COMMD1: variants seen among roughly 807,000 people sequenced by gnomAD.
The protein encoded by COMMD1 is COMM domain-containing protein 1.
Under a neutral mutation model 17.2 loss-of-function variants are expected in COMMD1, and 10 were observed. The ratio of observed to expected loss-of-function variants is 0.58; its 90% CI spans 0.36 to 0.99. The LOEUF (loss-of-function observed/expected upper bound fraction) is 0.99, where lower values mean the gene tolerates loss of function less well. Among genes scored for constraint, COMMD1 ranks in the 50% least tolerant of loss-of-function variants. The probability of loss-of-function intolerance (pLI) is 0.01; values close to 1 mark genes in which losing one functional copy is unlikely to be tolerated. For missense variants in COMMD1, 270 were observed against 231.8 expected, an observed-to-expected ratio of 1.17 and a Z score of -1.07; for synonymous variants, 97 against 91.6, an observed-to-expected ratio of 1.06 and a Z score of -0.34.
chr2:62,003,304 G>T (rs1046782919), intron 2 of COMMD1, among the ~76,000 whole-genome samples: 3 of 151,664 alleles, frequency 2.0e-5, no homozygotes, highest in Admixed American at 1.3e-4. Context: ...CACTTTGGGA[G>T]GCCAAGGCAG....
At chr2:62,108,073 T>C (rs1034809625) in intron 2 of COMMD1, among the ~76,000 whole-genome samples, 1 of 152,212 alleles carries the variant, frequency 6.6e-6, no homozygotes, top group African/African-American at 2.4e-5. Flanking sequence ...TTGCCCAGCC[T>C]GAACTGTCTT....
intron 2 of COMMD1, among the ~76,000 whole-genome samples, chr2:62,042,698 A>T (rs1292044469): frequency 6.6e-6 from 1 of 152,234 alleles, no homozygotes; most frequent in African/African-American, 2.4e-5. Context: ...GCCAGAGCGG[A>T]TGCCGAGGCT....
At chr2:61,989,902 T>C (rs1023685171) in intron 1 of COMMD1, among the ~76,000 whole-genome samples, 1 of 152,186 alleles carries the variant, frequency 6.6e-6, no homozygotes, top group East Asian at 1.9e-4. Flanking sequence ...GAGCAAGATA[T>C]AGGCCTGGCA....
chr2:62,048,914 T>A lies in COMMD1; in HGVS notation c.462+47932T>A, dbSNP rs569604715. Among the ~76,000 whole-genome samples the A allele has an allele frequency of 7.2e-5, 11 of 152,266 alleles. No individual in the cohort carries two copies. In the South Asian group the frequency reaches 2.3e-3, roughly 32 times the overall value. ...TTTTCATAAAGTATCCCTTCTTCCC[T>A]TTACTGTGCCTCCTGTTACAAGAGT... On this transcript the variant is annotated intron_variant, in intron 2 of 2. Transcript: ENST00000311832.
At chr2:61,955,975 C>T (rs1471448406) in intron 1 of COMMD1, among the ~76,000 whole-genome samples, 1 of 152,194 alleles carries the variant, frequency 6.6e-6, no homozygotes, top group African/African-American at 2.4e-5. Context: ...GCATGAGCCA[C>T]CATGCCTGGC....
At chr2:61,917,015 G>A (rs1670068360) in intron 1 of COMMD1, among the ~76,000 whole-genome samples, 2 of 152,034 alleles carry the variant, frequency 1.3e-5, no homozygotes, top group South Asian at 4.1e-4. Flanking sequence ...CTAAATACCT[G>A]GGAAATTTTT....
chr2:61,902,102 A>C (rs1013404585), upstream of COMMD1, among the ~76,000 whole-genome samples: 2 of 151,232 alleles, frequency 1.3e-5, no homozygotes, highest in Non-Finnish European at 2.9e-5. Context: ...AAGTTCTGGG[A>C]TTACAGGCGT....
chr2:61,995,551 G>A (rs1668733252), intron 1 of COMMD1, among the ~76,000 whole-genome samples: 1 of 152,180 alleles, frequency 6.6e-6, no homozygotes, highest in South Asian at 2.1e-4. Context: ...GCCAGCAACT[G>A]AAGCATTGTA....
intron 2 of COMMD1, among the ~76,000 whole-genome samples, chr2:62,087,666 G>A (rs968642690): frequency 2.5e-4 from 38 of 152,210 alleles, no homozygotes; most frequent in African/African-American, 8.7e-4. Flanking sequence ...AGAATTGCTT[G>A]AACCAGGGAG....
intron 2 of COMMD1, among the ~76,000 whole-genome samples, chr2:62,130,539 A>G (rs980068356): frequency 6.6e-6 from 1 of 152,236 alleles, no homozygotes; most frequent in African/African-American, 2.4e-5. Flanking sequence ...AAGACATTAG[A>G]GCCAACATTG....
chr2:61,953,145 G>A (rs1671101224), intron 1 of COMMD1, among the ~76,000 whole-genome samples: 1 of 151,850 alleles, frequency 6.6e-6, no homozygotes, highest in Non-Finnish European at 1.5e-5. Context: ...GAGTAGCTGG[G>A]ATTACAGGGG....
At chr2:61,912,266 A>G (rs1433900529) in intron 1 of COMMD1, among the ~76,000 whole-genome samples, 1 of 152,192 alleles carries the variant, frequency 6.6e-6, no homozygotes, top group South Asian at 2.1e-4. Flanking sequence ...TTGTAGAATA[A>G]GTGAATGAAT....
chr2:61,950,747 G>A (rs1671030429), intron 1 of COMMD1, among the ~76,000 whole-genome samples: 1 of 152,182 alleles, frequency 6.6e-6, no homozygotes, highest in Non-Finnish European at 1.5e-5. Flanking sequence ...GCTACTAAGT[G>A]ACCTTGGGCA....
At chr2:62,015,695 GTTTTTTTTTTTTTTC>G (rs1241094635) in intron 2 of COMMD1, among the ~76,000 whole-genome samples, 3 of 127,238 alleles carry the variant, frequency 2.4e-5, no homozygotes, top group Non-Finnish European at 3.4e-5. Context: ...TAGTTTCTGG[GTTTTTTTTTTTTTTC>G]TTTTTTTTTT....
chr2:61,908,828 A>T (rs916113325), intron 1 of COMMD1, among the ~76,000 whole-genome samples: 1 of 151,936 alleles, frequency 6.6e-6, no homozygotes, highest in African/African-American at 2.4e-5. Context: ...CCACCTCCCA[A>T]AGTGCTGGGA....
chr2:62,112,734 C>T (rs981296312), intron 2 of COMMD1, among the ~76,000 whole-genome samples: 1 of 152,046 alleles, frequency 6.6e-6, no homozygotes, highest in African/African-American at 2.4e-5. Context: ...TTTTTTTCCC[C>T]AAGGTCACAC....
At chr2:61,975,009 C>A (rs1292168656) in intron 1 of COMMD1, among the ~76,000 whole-genome samples, 1 of 151,622 alleles carries the variant, frequency 6.6e-6, no homozygotes, top group East Asian at 1.9e-4. Context: ...AGATTGTCAT[C>A]TAGGTGGAAT....
At chr2:62,119,641 C>T (rs1373035565) in intron 2 of COMMD1, among the ~76,000 whole-genome samples, 1 of 152,266 alleles carries the variant, frequency 6.6e-6, no homozygotes, top group South Asian at 2.1e-4. Flanking sequence ...CCTATTTCTC[C>T]CTAATGGTGC....
intron 1 of COMMD1, among the ~76,000 whole-genome samples, chr2:61,991,130 A>G (rs1672242278): frequency 6.6e-6 from 1 of 152,016 alleles, no homozygotes; most frequent in African/African-American, 2.4e-5. Flanking sequence ...TTCATTTTTC[A>G]TTCAAATTCT....
Sources: gnomAD v4.1 joint callset for allele counts (sites outside exome capture counted in the v4.1 genomes callset) on GRCh38, gnomAD v4.1.1 for gene constraint, MANE v1.5 for transcripts, NCBI Gene and HGNC (gene_info 2026-07-23, HGNC 2026-07-21) for gene names.